The following WWOX variants were observed in gnomAD, a reference collection of about 807,000 sequenced individuals.
WWOX encodes the protein WW domain-containing oxidoreductase.
A neutral mutation model predicts 46.2 loss-of-function variants in WWOX; 69 were observed. The ratio of observed to expected loss-of-function variants is 1.49; its 90% CI spans 1.23 to 1.82. The LOEUF is 1.82. Among genes scored for constraint, WWOX ranks in the 40% most tolerant of loss-of-function variants. The pLI, the probability that WWOX is intolerant of heterozygous loss-of-function variation, is 0.00. For synonymous variants in WWOX, 359 were observed against 202.6 expected (o/e 1.77, Z -6.56); for missense variants, 919 against 542.6 (o/e 1.69, Z -6.89).
intron 8 of WWOX, among the ~76,000 whole-genome samples, chr16:78,859,499 C>T (rs960066573): frequency 5.3e-5 from 8 of 152,112 alleles, no homozygotes; most frequent in African/African-American, 1.9e-4. Context: ...TGTGTTATAG[C>T]TCGATTTTTA....
chr16:78,314,305 C>T (rs537074325), intron 5 of WWOX, among the ~76,000 whole-genome samples: 1 of 149,234 alleles, frequency 6.7e-6, no homozygotes, highest in South Asian at 2.1e-4. Context: ...ACTCGGGAGG[C>T]TGAGGCAGGA....
intron 8 of WWOX, among the ~76,000 whole-genome samples, chr16:79,091,069 C>T (rs532047833): frequency 3.2e-4 from 48 of 152,222 alleles, no homozygotes; most frequent in Non-Finnish European, 5.3e-4. Flanking sequence ...ATTATAGGCA[C>T]AAGCCACCGC....
chr16:78,501,193 C>CTCTCTTTTT (rs1567609023), intron 8 of WWOX, among the ~76,000 whole-genome samples: 1 of 90,954 alleles, frequency 1.1e-5, no homozygotes, highest in East Asian at 3.5e-4. Flanking sequence ...CTTTCTTTCT[C>CTCTCTTTTT]TTTTTTTTTT....
chr16:78,601,347 G>A (rs532195699), intron 8 of WWOX, among the ~76,000 whole-genome samples: 1 of 152,130 alleles, frequency 6.6e-6, no homozygotes, highest in African/African-American at 2.4e-5. Context: ...GAGACACTCA[G>A]GCTTAGCTCT....
chr16:78,883,038 G>A (rs1226393220), intron 8 of WWOX, among the ~76,000 whole-genome samples: 4 of 152,136 alleles, frequency 2.6e-5, no homozygotes, highest in African/African-American at 7.2e-5. Context: ...GAAGGCTTGA[G>A]GACAGGAAGC....
chr16:79,080,712 A>T (rs866207177), intron 8 of WWOX, among the ~76,000 whole-genome samples: 1 of 152,184 alleles, frequency 6.6e-6, no homozygotes, highest in African/African-American at 2.4e-5. Flanking sequence ...CATACCTGTA[A>T]TCCCAGCCAC....
At chr16:79,108,688 G>C (rs939049839) in intron 8 of WWOX, among the ~76,000 whole-genome samples, 2 of 152,130 alleles carry the variant, frequency 1.3e-5, no homozygotes, top group Admixed American at 6.5e-5. Flanking sequence ...GATTGCTTGA[G>C]CCCAGGAGTT....
At chr16:78,487,902 C>T (rs956487886) in intron 8 of WWOX, among the ~76,000 whole-genome samples, 7 of 152,088 alleles carry the variant, frequency 4.6e-5, no homozygotes, top group African/African-American at 7.2e-5. Context: ...AATTAATGTC[C>T]GCCTAGGCAA....
intron 5 of WWOX, among the ~76,000 whole-genome samples, chr16:78,164,768 G>C (rs952703610): frequency 6.6e-6 from 1 of 152,202 alleles, no homozygotes; most frequent in Admixed American, 6.5e-5. Context: ...AAACGAAACA[G>C]AATCCCTGCC....
At chr16:78,980,764 A>T (rs993639414) in intron 8 of WWOX, among the ~76,000 whole-genome samples, 1 of 152,274 alleles carries the variant, frequency 6.6e-6, no homozygotes, top group Admixed American at 6.5e-5. Flanking sequence ...TACTTTTTGA[A>T]TAAGTATTTT....
At chr16:79,121,920 A>G (rs773146680) in intron 8 of WWOX, among the ~76,000 whole-genome samples, 1 of 152,130 alleles carries the variant, frequency 6.6e-6, no homozygotes, top group Non-Finnish European at 1.5e-5. Flanking sequence ...TCCAGCCCCC[A>G]GCCCCAGTAA....
At chr16:78,845,029 G>A (rs1440614465) in intron 8 of WWOX, among the ~76,000 whole-genome samples, 1 of 152,246 alleles carries the variant, frequency 6.6e-6, no homozygotes, top group Admixed American at 6.5e-5. Context: ...GCGCAGTGAA[G>A]CGGTTGGAAA....
At position 78,801,011 on chromosome 16, in the gene WWOX, A is replaced by C. The variant is rs373661996; in HGVS notation, c.1056+368259A>C. ...CCCCATGTAATAGTTTATTTATTTC[A>C]TGCTCCACTTTTCTGGGCAGTTTTG... On this transcript the variant is annotated intron_variant, in intron 8 of 8. Transcript: ENST00000566780. Among the ~76,000 whole-genome samples, 11 of 151,940 alleles carry C rather than the reference A, an allele frequency of 7.2e-5. No individual in the cohort carries two copies. In the East Asian group the frequency reaches 1.5e-3, roughly 21 times the overall value.
chr16:78,392,657 C>T (rs538013719), intron 6 of WWOX, among the ~76,000 whole-genome samples: 2 of 152,196 alleles, frequency 1.3e-5, no homozygotes, highest in Non-Finnish European at 1.5e-5. Flanking sequence ...TTTTAACATA[C>T]TCTTCTGTCT....
intron 6 of WWOX, among the ~76,000 whole-genome samples, chr16:78,421,756 C>A (rs1301799759): frequency 6.6e-6 from 1 of 152,120 alleles, no homozygotes; most frequent in African/African-American, 2.4e-5. Flanking sequence ...ACTTGATCTG[C>A]TTTTTACAGT....
intron 8 of WWOX, among the ~76,000 whole-genome samples, chr16:78,956,488 A>T (rs2046169337): frequency 6.6e-6 from 1 of 152,112 alleles, no homozygotes; most frequent in Admixed American, 6.6e-5. Flanking sequence ...CTACAATGAC[A>T]CATCATCATC....
At chr16:79,186,301 C>T (rs150711605) in intron 8 of WWOX, among the ~76,000 whole-genome samples, 2 of 152,294 alleles carry the variant, frequency 1.3e-5, no homozygotes, top group African/African-American at 4.8e-5. Flanking sequence ...GTCCTAGAAG[C>T]CAGACGTCTG....
intron 8 of WWOX, among the ~76,000 whole-genome samples, chr16:78,783,805 GTGA>G (rs1480765400): frequency 5.3e-5 from 8 of 151,222 alleles, no homozygotes; most frequent in African/African-American, 1.5e-4. Flanking sequence ...GAGGGTGATG[GTGA>G]TGATGATGGT....
Position 78,476,069 on chromosome 16 carries a change from G to A in WWOX, c.1056+43317G>A, listed in dbSNP as rs548235946. ...ATCACTCCCCAGTTTGACAGGAATT[G>A]CCCCTGGAATCCCATCTGGTGTTCT... is the stretch of plus-strand genomic sequence containing the variant. On this transcript the variant is annotated intron_variant, in intron 8 of 8. Coordinates refer to ENST00000566780, the MANE Select transcript of WWOX (RefSeq NM_016373.4). Among the ~76,000 whole-genome samples, 458 of 152,236 alleles carry A rather than the reference G, an allele frequency of 3.0e-3. 2 individuals carry two copies. Among genetic ancestry groups the A allele is most frequent in the African/African-American group, 0.01 (434 of 41,560 alleles).
Sources: allele counts gnomAD v4.1 joint callset (sites outside exome capture counted in the v4.1 genomes callset), GRCh38; gene constraint gnomAD v4.1.1; transcripts MANE v1.5; gene names NCBI Gene and HGNC (gene_info 2026-07-23, HGNC 2026-07-21).